PPP1R16B: variants seen among roughly 807,000 people sequenced by gnomAD.
The protein encoded by PPP1R16B is protein phosphatase 1 regulatory subunit 16B.
A neutral mutation model predicts 61.7 loss-of-function variants in PPP1R16B; 14 were observed. The ratio of observed to expected loss-of-function variants is 0.23; its 90% CI spans 0.15 to 0.35. The LOEUF (loss-of-function observed/expected upper bound fraction) is 0.35. PPP1R16B is among the 10% of genes least tolerant of loss of function. The probability of loss-of-function intolerance (pLI) is 1.00; values close to 1 mark genes in which losing one functional copy is unlikely to be tolerated. For missense variants in PPP1R16B, 547 were observed against 752.5 expected (o/e 0.73, Z 3.19); for synonymous variants, 266 against 305.3 (o/e 0.87, Z 1.34).
intron 3 of PPP1R16B, among the ~76,000 whole-genome samples, chr20:38,890,515 G>T (rs1261811952): frequency 1.3e-5 from 2 of 152,208 alleles, no homozygotes; most frequent in African/African-American, 2.4e-5. Flanking sequence ...CACAGCAAGA[G>T]CCTGGGAGCT....
At chr20:38,887,111 T>C (rs970343811) in intron 2 of PPP1R16B, among the ~76,000 whole-genome samples, 1 of 151,846 alleles carries the variant, frequency 6.6e-6, no homozygotes, top group African/African-American at 2.4e-5. Context: ...GGTGGTTGGA[T>C]GGATGAATGG....
intron 3 of PPP1R16B, among the ~76,000 whole-genome samples, chr20:38,892,661 G>A (rs2145762956): frequency 6.6e-6 from 1 of 152,242 alleles, no homozygotes; most frequent in African/African-American, 2.4e-5. Flanking sequence ...ATGCAGTGTG[G>A]TCAGCCCTTG....
chr20:38,823,674 C>T (rs1277617529), intron 1 of PPP1R16B, among the ~76,000 whole-genome samples: 1 of 151,508 alleles, frequency 6.6e-6, no homozygotes, highest in Non-Finnish European at 1.5e-5. Flanking sequence ...AAAAAACACA[C>T]AAAAATGCTC....
chr20:38,827,665 C>G (rs911792194), intron 1 of PPP1R16B, among the ~76,000 whole-genome samples: 2 of 152,100 alleles, frequency 1.3e-5, no homozygotes, highest in Non-Finnish European at 2.9e-5. Flanking sequence ...AGGAGTAGGA[C>G]AGTCAGTCCA....
At chr20:38,853,152 A>C (rs1303305389) in intron 2 of PPP1R16B, among the ~76,000 whole-genome samples, 1 of 152,168 alleles carries the variant, frequency 6.6e-6, no homozygotes, top group Admixed American at 6.5e-5. Context: ...GTACGCACAG[A>C]CTTCAGGCCT....
chr20:38,887,473 A>T (rs574482679), intron 2 of PPP1R16B, among the ~76,000 whole-genome samples: 27 of 152,276 alleles, frequency 1.8e-4, no homozygotes, highest in Admixed American at 5.2e-4. Flanking sequence ...AGCAATGGGG[A>T]GCCATGGAAG....
intron 2 of PPP1R16B, among the ~76,000 whole-genome samples, chr20:38,885,036 C>CAAAAA (rs71330453): frequency 5.8e-4 from 39 of 67,728 alleles, no homozygotes; most frequent in East Asian, 9.4e-4. Flanking sequence ...AACTCTGTCT[C>CAAAAA]AAAAAAAAAA....
chr20:38,828,970 A>G (rs2084820440), intron 1 of PPP1R16B, among the ~76,000 whole-genome samples: 1 of 152,198 alleles, frequency 6.6e-6, no homozygotes, highest in Non-Finnish European at 1.5e-5. Flanking sequence ...CGATGCTATT[A>G]TTCAAAGAAG....
chr20:38,845,711 G>A (rs2084932205), intron 2 of PPP1R16B, among the ~76,000 whole-genome samples: 1 of 152,180 alleles, frequency 6.6e-6, no homozygotes, highest in Admixed American at 6.5e-5. Context: ...AGGTGGTTGA[G>A]GGAGAGCATA....
At position 38,920,295 on chromosome 20, in the gene PPP1R16B, CTTT is replaced by C. The variant is rs564269445; in HGVS notation, c.*1631_*1633del. The C allele has an allele frequency of 7.6e-4, 116 of 152,842 alleles. No individual in the cohort carries two copies. Among genetic ancestry groups the C allele is most frequent in the African/African-American group, 2.6e-3 (110 of 41,580 alleles). The allele number at this position is 152,842 out of a possible 1,614,324, so 9.5% of individuals were successfully genotyped here. The stretch of plus-strand genomic sequence containing the variant: ...GCAGGTTATCCCTTGCTCTGTGCGC[CTTT>C]TATTTGTCCTTAAACTACCTCCTTA... On this transcript the variant is annotated 3_prime_UTR_variant, in exon 11 of 11. Coordinates refer to ENST00000299824, the MANE Select transcript of PPP1R16B (RefSeq NM_015568.4).
In PPP1R16B at chr20:38,906,950, G is replaced by A; in HGVS notation, c.823-29G>A. 3 of 1,593,984 alleles carry A rather than the reference G, an allele frequency of 1.9e-6. No homozygotes were observed. The South Asian group carries it at 3.3e-5, about 18-fold the overall frequency. On this transcript the variant is annotated intron_variant, in intron 7 of 10. Coordinates refer to ENST00000299824, the MANE Select transcript of PPP1R16B (RefSeq NM_015568.4). Reference sequence around the variant, plus strand: ...TAGGCTTTCTGAGCTCTGGGCAGGGGGACACATGAGCTTCTTCCTGTGTTT... The same window carrying A: ...TAGGCTTTCTGAGCTCTGGGCAGGGAGACACATGAGCTTCTTCCTGTGTTT...
intron 4 of PPP1R16B, among the ~76,000 whole-genome samples, chr20:38,897,879 G>A (rs373408580): frequency 1.6e-4 from 24 of 152,238 alleles, no homozygotes; most frequent in Admixed American, 1.4e-3. Flanking sequence ...TCATGTGCCC[G>A]TTGTCCATCT....
At chr20:38,867,525 A>G (rs986113252) in intron 2 of PPP1R16B, among the ~76,000 whole-genome samples, 3 of 152,132 alleles carry the variant, frequency 2.0e-5, no homozygotes, top group Non-Finnish European at 4.4e-5. Flanking sequence ...ATAATACACT[A>G]CCTACTTAAA....
At chr20:38,860,135 A>C (rs938045527) in intron 2 of PPP1R16B, among the ~76,000 whole-genome samples, 36 of 152,136 alleles carry the variant, frequency 2.4e-4, no homozygotes, top group Admixed American at 2.3e-3. Flanking sequence ...TGCCCAGCTA[A>C]TTTTGTATTT....
intron 2 of PPP1R16B, among the ~76,000 whole-genome samples, chr20:38,879,767 A>C (rs1255555994): frequency 6.6e-6 from 1 of 152,056 alleles, no homozygotes; most frequent in Non-Finnish European, 1.5e-5. Context: ...ATCTCTGTCA[A>C]CCCCTTCTGT....
intron 2 of PPP1R16B, among the ~76,000 whole-genome samples, chr20:38,886,797 T>C (rs989601078): frequency 6.6e-6 from 1 of 152,176 alleles, no homozygotes; most frequent in Non-Finnish European, 1.5e-5. Flanking sequence ...GGGCTGCCAA[T>C]TGGGTCAAGG....
chr20:38,833,863 G>T (rs1213639778), intron 1 of PPP1R16B, among the ~76,000 whole-genome samples: 1 of 152,260 alleles, frequency 6.6e-6, no homozygotes, highest in Non-Finnish European at 1.5e-5. Context: ...GAGCACCTGA[G>T]GATTTAGCCT....
chr20:38,814,353 A>G (rs1473614114), intron 1 of PPP1R16B, among the ~76,000 whole-genome samples: 1 of 152,088 alleles, frequency 6.6e-6, no homozygotes, highest in African/African-American at 2.4e-5. Context: ...AGAGGGGGGA[A>G]GGCTAGCAAT....
At chr20:38,840,223 G>C (rs1341969862) in intron 2 of PPP1R16B, among the ~76,000 whole-genome samples, 1 of 152,192 alleles carries the variant, frequency 6.6e-6, no homozygotes, top group Admixed American at 6.5e-5. Flanking sequence ...CTGGTGTTTG[G>C]GAGGCTGCCG....
Sources: allele counts gnomAD v4.1 joint callset (sites outside exome capture counted in the v4.1 genomes callset), GRCh38; gene constraint gnomAD v4.1.1; transcripts MANE v1.5; gene names NCBI Gene and HGNC (gene_info 2026-07-23, HGNC 2026-07-21).